PRKAR2B: variants seen among roughly 807,000 people sequenced by gnomAD.
PRKAR2B encodes cAMP-dependent protein kinase type II-beta regulatory subunit.
A neutral mutation model predicts 49.9 loss-of-function variants in PRKAR2B; 14 were observed. That is an observed-to-expected ratio of 0.28 (90% confidence interval 0.19 to 0.44). The LOEUF (loss-of-function observed/expected upper bound fraction) is 0.44, where lower values mean the gene tolerates loss of function less well. Ranked by LOEUF, PRKAR2B falls within the 20% of genes least tolerant of loss-of-function variation. The pLI is 1.00. For synonymous variants in PRKAR2B, 196 were observed against 197.7 expected (o/e 0.99, Z 0.07); for missense variants, 393 against 537.9 (o/e 0.73, Z 2.67).
Position 107,126,420 on chromosome 7 carries a change from C to CAAAAAAAAAAAAAAAAAAAA in PRKAR2B, c.397-1788_397-1769dup, listed in dbSNP as rs35682952. ...TGGGCAACAGAGTGAGAATCTGTCT[C>CAAAAAAAAAAAAAAAAAAAA]AAAAAAAAAAAAAAAAAAAAAAAGT... On this transcript the variant is annotated intron_variant, in intron 3 of 10. Transcript: ENST00000265717. Among the ~76,000 whole-genome samples, 110 of 38,392 alleles carry CAAAAAAAAAAAAAAAAAAAA rather than the reference C, an allele frequency of 2.9e-3. 2 individuals are homozygous for CAAAAAAAAAAAAAAAAAAAA. The highest frequency in any genetic ancestry group is 4.9e-3 in the Non-Finnish European group (94 of 19,216). 25.2% of individuals were successfully genotyped at this position (38,392 alleles called of 152,430 possible).
intron 8 of PRKAR2B, among the ~76,000 whole-genome samples, chr7:107,156,284 A>G (rs1357706629): frequency 1.3e-5 from 2 of 152,108 alleles, no homozygotes; most frequent in African/African-American, 4.8e-5. Context: ...AAAAGGAAAA[A>G]AAAATTAGCT....
At chr7:107,078,074 T>A (rs1378594680) in intron 2 of PRKAR2B, 1 of 151,866 alleles carries the variant, frequency 6.6e-6, no homozygotes, top group Non-Finnish European at 1.5e-5. Flanking sequence ...TTGTGGCGTG[T>A]GCCTGTAGTC....
chr7:107,111,694 A>C (rs1405606956), intron 2 of PRKAR2B, among the ~76,000 whole-genome samples: 1 of 152,136 alleles, frequency 6.6e-6, no homozygotes, highest in Non-Finnish European at 1.5e-5. Flanking sequence ...TTTGTTGGGA[A>C]TTTAGATATC....
intron 2 of PRKAR2B, among the ~76,000 whole-genome samples, chr7:107,092,522 C>A (rs1230946719): frequency 2.6e-5 from 4 of 151,680 alleles, no homozygotes; most frequent in Non-Finnish European, 4.4e-5. Flanking sequence ...GACTATCAGC[C>A]CATTGTGCTG....
At chr7:107,153,988 T>G (rs1796034552) in intron 8 of PRKAR2B, among the ~76,000 whole-genome samples, 1 of 152,198 alleles carries the variant, frequency 6.6e-6, no homozygotes, top group Non-Finnish European at 1.5e-5. Context: ...GGAAACAAGA[T>G]TCAAGGTCTT....
At chr7:107,142,331 C>T (rs546228724) in intron 5 of PRKAR2B, among the ~76,000 whole-genome samples, 1 of 152,118 alleles carries the variant, frequency 6.6e-6, no homozygotes, top group African/African-American at 2.4e-5. Flanking sequence ...AAGCACTAGC[C>T]AGGATTTTAG....
chr7:107,071,292 G>A (rs1474481039), intron 2 of PRKAR2B, among the ~76,000 whole-genome samples: 1 of 152,096 alleles, frequency 6.6e-6, no homozygotes, highest in Non-Finnish European at 1.5e-5. Flanking sequence ...TAATATTAAA[G>A]ACATTTTAAT....
chr7:107,154,462 C>T (rs1796043922), intron 8 of PRKAR2B, among the ~76,000 whole-genome samples: 1 of 152,112 alleles, frequency 6.6e-6, no homozygotes, highest in Non-Finnish European at 1.5e-5. Context: ...ATTCAGAACA[C>T]TCGAAAACTT....
At chr7:107,077,502 A>G (rs1794421313) in intron 2 of PRKAR2B, 1 of 152,204 alleles carries the variant, frequency 6.6e-6, no homozygotes, top group Admixed American at 6.5e-5. Flanking sequence ...ATAAGGAGAG[A>G]GACTATTCTA....
intron 4 of PRKAR2B, among the ~76,000 whole-genome samples, chr7:107,137,826 T>A (rs1415089284): frequency 6.6e-6 from 1 of 152,204 alleles, no homozygotes; most frequent in Non-Finnish European, 1.5e-5. Context: ...TTTTCATGTT[T>A]TTAAGAATCC....
In PRKAR2B at chr7:107,056,733, A is replaced by G. The variant is rs572351837; in HGVS notation, c.307+11519A>G. 4.6e-5 allele frequency among the ~76,000 whole-genome samples: 7 copies of G among 152,260 alleles called. No individual in the cohort carries two copies. The South Asian group carries it at 1.4e-3, about 32-fold the overall frequency. On this transcript the variant is annotated intron_variant, in intron 1 of 10. Transcript: ENST00000265717. ...TTTGGGCTGAGACGATGTTAAATAGACTTTTAATAATAGTCTCCTAGTAAT... is the reference window on the plus strand; with the variant it reads ...TTTGGGCTGAGACGATGTTAAATAGGCTTTTAATAATAGTCTCCTAGTAAT...
chr7:107,065,688 A>C (rs1794123954), intron 1 of PRKAR2B, among the ~76,000 whole-genome samples: 1 of 152,186 alleles, frequency 6.6e-6, no homozygotes, highest in African/African-American at 2.4e-5. Context: ...ACAGCAACAA[A>C]ATTAATGGGG....
intron 8 of PRKAR2B, among the ~76,000 whole-genome samples, 200 bp from the exon 9 acceptor site, chr7:107,156,784 C>A: frequency 6.8e-6 from 1 of 148,116 alleles, no homozygotes; most frequent in Admixed American, 6.8e-5. Context: ...CCAGTCTGGG[C>A]AACAGAGTGA....
intron 1 of PRKAR2B, among the ~76,000 whole-genome samples, chr7:107,057,161 G>C (rs1793932786): frequency 6.6e-6 from 1 of 152,070 alleles, no homozygotes; most frequent in African/African-American, 2.4e-5. Context: ...GACCCCTCAA[G>C]ACCCACTTGC....
chr7:107,062,865 G>T (rs1794052782), intron 1 of PRKAR2B, among the ~76,000 whole-genome samples: 2 of 151,662 alleles, frequency 1.3e-5, no homozygotes, highest in Non-Finnish European at 2.9e-5. Context: ...GGGCATAAAT[G>T]GTACTGCTTT....
chr7:107,057,405 A>AG (rs1793937348), intron 1 of PRKAR2B, among the ~76,000 whole-genome samples: 2 of 151,432 alleles, frequency 1.3e-5, no homozygotes, highest in African/African-American at 4.9e-5. Context: ...AAACGTGGTC[A>AG]CTAGAGCTCC....
intron 2 of PRKAR2B, among the ~76,000 whole-genome samples, chr7:107,107,295 C>T (rs1795090440): frequency 6.6e-6 from 1 of 152,016 alleles, no homozygotes; most frequent in Non-Finnish European, 1.5e-5. Flanking sequence ...CGACATGGCG[C>T]CATTGCGCTC....
At chr7:107,145,212 C>T (rs1436077335) in intron 5 of PRKAR2B, among the ~76,000 whole-genome samples, 1 of 152,126 alleles carries the variant, frequency 6.6e-6, no homozygotes. Flanking sequence ...TGTAACTACT[C>T]AACTCTGCAG....
At chr7:107,158,848 A>G (rs941506298) in intron 10 of PRKAR2B, among the ~76,000 whole-genome samples, 1 of 152,180 alleles carries the variant, frequency 6.6e-6, no homozygotes, top group Non-Finnish European at 1.5e-5. Flanking sequence ...TTTTATGTAT[A>G]GAGTATGATC....
Sources: allele counts gnomAD v4.1 joint callset (sites outside exome capture counted in the v4.1 genomes callset), GRCh38; gene constraint gnomAD v4.1.1; transcripts MANE v1.5; gene names NCBI Gene and HGNC (gene_info 2026-07-23, HGNC 2026-07-21).